ELP3: variants seen among roughly 807,000 people sequenced by gnomAD.
ELP3 encodes the protein elongator acetyltransferase complex subunit 3, also known as elongator complex protein 3.
Under a neutral mutation model 74.9 loss-of-function variants are expected in ELP3, and 56 were observed. That is an observed-to-expected ratio of 0.75 (90% CI 0.60 to 0.93). ELP3 has a LOEUF of 0.93. ELP3 is among the 40% of genes least tolerant of loss of function. ELP3 has a pLI of 0.00. For missense variants in ELP3, 573 were observed against 686.5 expected (o/e 0.83, Z 1.85); for synonymous variants, 222 against 239.8 (o/e 0.93, Z 0.68).
chr8:28,126,836 G>A (rs1411995476), intron 7 of ELP3, among the ~76,000 whole-genome samples: 1 of 152,200 alleles, frequency 6.6e-6, no homozygotes, highest in African/African-American at 2.4e-5. Flanking sequence ...ATCAGATTTG[G>A]TGAGATGTAG....
At chr8:28,164,887 G>T (rs1311950489) in intron 14 of ELP3, among the ~76,000 whole-genome samples, 1 of 152,082 alleles carries the variant, frequency 6.6e-6, no homozygotes, top group Non-Finnish European at 1.5e-5. Context: ...TGAGTACAGT[G>T]ATGTGTGTGC....
chr8:28,137,694 A>T lies in ELP3; in HGVS notation c.907-4A>T, dbSNP rs925773399. 1 of 1,612,398 alleles carries T rather than the reference A, an allele frequency of 6.2e-7. No homozygotes were observed. Among genetic ancestry groups the T allele is most frequent in the Non-Finnish European group, 8.5e-7 (1 of 1,179,562 alleles). ...AGAAGTCATTTTCTGTTCTCTATTC[A>T]CAGGAGTTTTTTGAGAACCCTGCTT... is the stretch of plus-strand genomic sequence containing the variant. On this transcript the variant is annotated splice_polypyrimidine_tract_variant and splice_region_variant and intron_variant, in intron 9 of 14. Coordinates refer to ENST00000256398, the MANE Select transcript of ELP3 (RefSeq NM_018091.6).
chr8:28,105,230 A>T (rs1452563661), intron 3 of ELP3, among the ~76,000 whole-genome samples: 1 of 152,074 alleles, frequency 6.6e-6, no homozygotes, highest in Non-Finnish European at 1.5e-5. Flanking sequence ...AAAAAAAAAA[A>T]ATACAAAAAA....
At chr8:28,129,827 C>T (rs1319874551) in intron 8 of ELP3, among the ~76,000 whole-genome samples, 164 bp downstream of exon 8, 1 of 152,078 alleles carries the variant, frequency 6.6e-6, no homozygotes, top group Non-Finnish European at 1.5e-5. Context: ...AATTCCATCC[C>T]CTCTTTCCCT....
At chr8:28,095,801 A>G (rs1811230557) in intron 1 of ELP3, among the ~76,000 whole-genome samples, 1 of 152,180 alleles carries the variant, frequency 6.6e-6, no homozygotes, top group Non-Finnish European at 1.5e-5. Flanking sequence ...GGTTCAAATG[A>G]GATAAAGTAA....
At chr8:28,187,627 G>A (rs1206483161) in intron 14 of ELP3, among the ~76,000 whole-genome samples, 1 of 152,164 alleles carries the variant, frequency 6.6e-6, no homozygotes, top group Non-Finnish European at 1.5e-5. Flanking sequence ...TCCCCCCCAT[G>A]TAGCCTCAGG....
intron 14 of ELP3, among the ~76,000 whole-genome samples, chr8:28,182,862 A>G (rs1815073762): frequency 6.6e-6 from 1 of 152,322 alleles, no homozygotes; most frequent in East Asian, 1.9e-4. Flanking sequence ...GGGCTTGAGG[A>G]CATTTGGTTC....
chr8:28,156,001 C>G lies in ELP3; in HGVS notation c.1160C>G (p.Ala387Gly), dbSNP rs750706913. ...GVEHGNLREL[A>G]LARMKDLGIQ... ...GAGCATGGTAACCTGAGAGAGCTGG[C>G]ACTTGCAAGAATGAAAGACCTCGGA... Residue 387 changes from alanine to glycine, a missense_variant, in exon 11 of 15, where the codon GCA (alanine) becomes GGA (glycine). By Grantham distance (60) the Ala-to-Gly change is moderately conservative (BLOSUM62 0). Coordinates refer to ENST00000256398, the MANE Select transcript of ELP3 (RefSeq NM_018091.6). The G allele has an allele frequency of 4.3e-6, 7 of 1,613,858 alleles. No homozygotes were observed. In the Admixed American group the frequency reaches 1.2e-4, roughly 27 times the overall value.
chr8:28,178,414 C>T (rs1385923230), intron 14 of ELP3, among the ~76,000 whole-genome samples: 1 of 152,118 alleles, frequency 6.6e-6, no homozygotes, highest in Non-Finnish European at 1.5e-5. Flanking sequence ...AGTATGTATC[C>T]CTTAACTACA....
intron 14 of ELP3, among the ~76,000 whole-genome samples, chr8:28,180,596 C>T (rs1814967704): frequency 6.6e-6 from 1 of 152,136 alleles, no homozygotes; most frequent in Admixed American, 6.5e-5. Context: ...TTAAAGTGTA[C>T]CTCATCATTT....
intron 10 of ELP3, among the ~76,000 whole-genome samples, chr8:28,150,651 T>C (rs949397365): frequency 6.6e-6 from 1 of 152,142 alleles, no homozygotes; most frequent in Non-Finnish European, 1.5e-5. Context: ...ATGTTCTTTA[T>C]CTTTTTATTT....
rs1245958798 is a variant in ELP3 at position 28,137,812 on chromosome 8, T to A, written c.1021T>A (p.Ser341Thr). 22 of 1,614,062 alleles carry A rather than the reference T, an allele frequency of 1.4e-5. No homozygotes were observed. Among genetic ancestry groups the A allele is most frequent in the Non-Finnish European group, 1.7e-5 (20 of 1,179,990 alleles). ...LWKSGRYKSYSPSDLVELVAR... is the reference protein window; with the variant it reads ...LWKSGRYKSYTPSDLVELVAR... ...GAAATCAGGAAGATATAAGAGTTACTCTCCTAGTGACCTGGTTGAATTGGT... is the reference window on the plus strand; with the variant it reads ...GAAATCAGGAAGATATAAGAGTTACACTCCTAGTGACCTGGTTGAATTGGT... Residue 341 changes from serine to threonine, a missense_variant, in exon 10 of 15, where the codon TCT becomes ACT. By Grantham distance (58) the Ser-to-Thr change is moderately conservative. Transcript: ENST00000256398.
At chr8:28,154,180 A>G (rs777606281) in intron 10 of ELP3, among the ~76,000 whole-genome samples, 3 of 152,186 alleles carry the variant, frequency 2.0e-5, no homozygotes, top group Non-Finnish European at 4.4e-5. Flanking sequence ...GTTCAATGTT[A>G]ATGAATCAGC....
chr8:28,090,283 G>A, upstream of ELP3: 1 of 408,736 alleles, frequency 2.4e-6, no homozygotes, highest in Non-Finnish European at 4.9e-6. Flanking sequence ...GGCCAACTCT[G>A]GAGCCCAGGC....
intron 7 of ELP3, among the ~76,000 whole-genome samples, chr8:28,121,586 CT>C (rs1812375705): frequency 6.6e-6 from 1 of 152,018 alleles, no homozygotes; most frequent in Non-Finnish European, 1.5e-5. Flanking sequence ...TCCCAAAGTG[CT>C]GGGATTACAG....
At chr8:28,181,959 C>G (rs1480189319) in intron 14 of ELP3, among the ~76,000 whole-genome samples, 1 of 115,464 alleles carries the variant, frequency 8.7e-6, no homozygotes, top group East Asian at 1.9e-4. Context: ...AAGTGGTTTT[C>G]TTTGTTTGTT....
chr8:28,144,593 C>G (rs1294932581), intron 10 of ELP3, among the ~76,000 whole-genome samples: 1 of 152,074 alleles, frequency 6.6e-6, no homozygotes, highest in Non-Finnish European at 1.5e-5. Flanking sequence ...GCACTCCAGC[C>G]TAGGCAACAG....
chr8:28,094,133 A>T (rs536735010), intron 1 of ELP3, among the ~76,000 whole-genome samples: 4 of 152,340 alleles, frequency 2.6e-5, no homozygotes, highest in Non-Finnish European at 5.9e-5. Context: ...TCATATTTGC[A>T]TGCCCTAAAT....
chr8:28,171,084 A>G (rs1473347845), intron 14 of ELP3, among the ~76,000 whole-genome samples: 1 of 152,212 alleles, frequency 6.6e-6, no homozygotes, highest in African/African-American at 2.4e-5. Flanking sequence ...CTTATCATCC[A>G]TCAGTCTGAT....
Sources: gnomAD v4.1 joint callset for allele counts (sites outside exome capture counted in the v4.1 genomes callset) on GRCh38, gnomAD v4.1.1 for gene constraint, MANE v1.5 for transcripts, NCBI Gene and HGNC (gene_info 2026-07-23, HGNC 2026-07-21) for gene names.